Variants in CMIP observed in about 807,000 individuals in gnomAD.
CMIP encodes the protein c-Maf inducing protein, also known as C-Maf-inducing protein.
CMIP carries 13 observed loss-of-function variants against 97.3 expected under a neutral mutation model. The observed-to-expected ratio is 0.13, with a 90% CI of 0.09 to 0.21. The LOEUF is 0.21. Among genes scored for constraint, CMIP ranks in the 10% least tolerant of loss-of-function variants. The pLI, the probability that CMIP is intolerant of heterozygous loss-of-function variation, is 1.00. For synonymous variants in CMIP, 538 were observed against 436.3 expected (o/e 1.23, Z -2.91); for missense variants, 847 against 1,024.9 (o/e 0.83, Z 2.37).
Position 81,660,890 on chromosome 16 carries a change from G to T in CMIP, c.688G>T (p.Ala230Ser). 1 of 1,613,878 alleles carries T rather than the reference G, an allele frequency of 6.2e-7. No individual in the cohort carries two copies. ...CTTGTTTGTTGTGTTTCAGGCAATC[G>T]CTCCTTTGCTGGAAAACAACCACCC... ...QEHENIIVAI[A>S]PLLENNHPPP... The change falls in exon 6 of 21, where the codon GCT (alanine) becomes TCT (serine). Residue 230 changes from alanine (A) to serine (S), a missense_variant. By Grantham distance (99) the Ala-to-Ser change is moderately conservative. This residue lies in a region of CMIP where 285 missense variants were observed against 392.2 expected (regional missense o/e 0.73). Coordinates refer to ENST00000537098, the MANE Select transcript of CMIP (RefSeq NM_198390.3).
chr16:81,595,192 T>C (rs1175513179), intron 1 of CMIP, among the ~76,000 whole-genome samples: 3 of 151,750 alleles, frequency 2.0e-5, no homozygotes, highest in Non-Finnish European at 2.9e-5. Context: ...TCTAGAACAT[T>C]TTCATCCCCC....
intron 1 of CMIP, among the ~76,000 whole-genome samples, chr16:81,535,987 C>G (rs1302539084): frequency 6.6e-6 from 1 of 152,144 alleles, no homozygotes; most frequent in Non-Finnish European, 1.5e-5. Flanking sequence ...GCCCAGGGAA[C>G]CTCGGTGACA....
At chr16:81,645,811 A>T (rs1171850820) in intron 3 of CMIP, 1 of 597,814 alleles carries the variant, frequency 1.7e-6, no homozygotes, top group African/African-American at 1.9e-5. Flanking sequence ...GCTGCTGTTT[A>T]GCCAGGAACT....
chr16:81,553,523 C>A (rs2090701086), intron 1 of CMIP, among the ~76,000 whole-genome samples: 1 of 152,164 alleles, frequency 6.6e-6, no homozygotes, highest in Admixed American at 6.5e-5. Flanking sequence ...CACTGCCTGT[C>A]CCGGCGCCAG....
rs1222549237 is a variant in CMIP, at chr16:81,446,745, A to G, written c.300+1204A>G. Reference sequence around the variant, plus strand: ...TAGCGTGTGTAGACATTTCCCTGGCATCCATGTTCCCTTGGCGGTGTGTCA... The same window carrying G: ...TAGCGTGTGTAGACATTTCCCTGGCGTCCATGTTCCCTTGGCGGTGTGTCA... On this transcript the variant is annotated intron_variant, in intron 1 of 20. Coordinates refer to ENST00000537098, the MANE Select transcript of CMIP (RefSeq NM_198390.3). Among the ~76,000 whole-genome samples, 3 of 152,118 alleles carry G rather than the reference A, an allele frequency of 2.0e-5. No homozygotes were observed. In the East Asian group the frequency reaches 5.8e-4, roughly 29 times the overall value.
At chr16:81,513,130 T>C (rs566143295) in intron 1 of CMIP, among the ~76,000 whole-genome samples, 42 of 152,376 alleles carry the variant, frequency 2.8e-4, no homozygotes, top group Non-Finnish European at 4.7e-4. Context: ...GTTTTGATTT[T>C]GATCCCTTGC....
intron 1 of CMIP, among the ~76,000 whole-genome samples, chr16:81,509,676 C>T (rs895702256): frequency 2.6e-5 from 4 of 152,206 alleles, no homozygotes; most frequent in African/African-American, 9.7e-5. Context: ...GGGGTCAGGG[C>T]TCCAACCCTG....
intron 10 of CMIP, among the ~76,000 whole-genome samples, chr16:81,678,910 T>G (rs1184493833): frequency 1.3e-5 from 2 of 152,214 alleles, no homozygotes; most frequent in Non-Finnish European, 2.9e-5. Context: ...ACACGTGGGG[T>G]GCATGCATGG....
intron 4 of CMIP, among the ~76,000 whole-genome samples, chr16:81,656,666 C>CT (rs1473456039): frequency 6.6e-6 from 1 of 152,228 alleles, no homozygotes; most frequent in Non-Finnish European, 1.5e-5. Context: ...TAGAGACAGT[C>CT]TCGCTCTGTC....
At chr16:81,460,384 A>T (rs1323878293) in intron 1 of CMIP, among the ~76,000 whole-genome samples, 1 of 152,090 alleles carries the variant, frequency 6.6e-6, no homozygotes, top group Non-Finnish European at 1.5e-5. Flanking sequence ...CCCTCTACCC[A>T]GGTTTTTCTG....
chr16:81,517,078 C>T (rs1050287284), intron 1 of CMIP, among the ~76,000 whole-genome samples: 2 of 151,472 alleles, frequency 1.3e-5, no homozygotes, highest in Non-Finnish European at 2.9e-5. Flanking sequence ...GCCAGACAGC[C>T]TTCAAGGTCA....
chr16:81,664,248 T>G, intron 6 of CMIP, 21 bp from the exon 7 acceptor site: 1 of 1,581,212 alleles, frequency 6.3e-7, no homozygotes, highest in Non-Finnish European at 8.6e-7. Context: ...CCGCAGTAAC[T>G]GTACCCCACT....
intron 3 of CMIP, among the ~76,000 whole-genome samples, chr16:81,639,135 G>A (rs2092273500): frequency 6.6e-6 from 1 of 152,316 alleles, no homozygotes; most frequent in South Asian, 2.1e-4. Flanking sequence ...CTACAGGGCC[G>A]GCTGTGACCT....
intron 1 of CMIP, among the ~76,000 whole-genome samples, chr16:81,506,945 T>C (rs1015824238): frequency 6.7e-6 from 1 of 149,000 alleles, no homozygotes; most frequent in South Asian, 2.1e-4. Flanking sequence ...GCCTTGTTCC[T>C]GAATGTCCTC....
At chr16:81,593,627 A>G (rs1357586425) in intron 1 of CMIP, among the ~76,000 whole-genome samples, 6 of 152,176 alleles carry the variant, frequency 3.9e-5, no homozygotes, top group Non-Finnish European at 8.8e-5. Flanking sequence ...GAGGCTTGAA[A>G]GTAATCGCCT....
At chr16:81,546,180 G>A (rs1597538788) in intron 1 of CMIP, among the ~76,000 whole-genome samples, 1 of 152,178 alleles carries the variant, frequency 6.6e-6, no homozygotes, top group Admixed American at 6.5e-5. Context: ...GGGCCAGGAG[G>A]CAGGGAATGG....
chr16:81,599,301 C>T (rs530031604), intron 1 of CMIP, among the ~76,000 whole-genome samples: 2 of 152,306 alleles, frequency 1.3e-5, no homozygotes, highest in Admixed American at 6.5e-5. Context: ...TTTGAGATTT[C>T]TTCTGGGACC....
chr16:81,678,765 G>A lies in CMIP; in HGVS notation c.1388+137G>A, dbSNP rs923560805. ...GAGTGGCTTGTGTGTGAGTGCACAC[G>A]AGCTGGTGTGTGCAAGAGTGTGCAT... On this transcript the variant is annotated intron_variant, in intron 10 of 20. Coordinates refer to ENST00000537098, the MANE Select transcript of CMIP (RefSeq NM_198390.3). 4.0e-5 allele frequency: 24 copies of A among 601,562 alleles called. No individual in the cohort carries two copies. The Middle Eastern group carries it at 1.3e-3, about 33-fold the overall frequency. The allele number at this position is 601,562 out of a possible 1,614,324, so 37.3% of individuals were successfully genotyped here. A position where few individuals can be genotyped will look rare whatever the true frequency, so the allele number is the denominator to read the frequency against.
chr16:81,510,633 A>G (rs887053143), intron 1 of CMIP, among the ~76,000 whole-genome samples: 3 of 152,158 alleles, frequency 2.0e-5, no homozygotes, highest in African/African-American at 2.4e-5. Context: ...CCTTTCTCAG[A>G]TACTGTGATG....
Sources: gnomAD v4.1 joint callset for allele counts (sites outside exome capture counted in the v4.1 genomes callset) on GRCh38, gnomAD v4.1.1 for gene constraint, gnomAD v4.1.1 regional missense constraint, MANE v1.5 for transcripts, NCBI Gene and HGNC (gene_info 2026-07-23, HGNC 2026-07-21) for gene names.